The following NUDT13 variants were observed in gnomAD, a reference collection of about 807,000 sequenced individuals.
NUDT13 encodes the protein nudix hydrolase 13, also known as NAD(P)H pyrophosphatase NUDT13, mitochondrial.
Under a neutral mutation model 41.7 loss-of-function variants are expected in NUDT13, and 40 were observed. The ratio of observed to expected loss-of-function variants is 0.96; its 90% CI spans 0.75 to 1.25. The LOEUF is 1.25. Among genes scored for constraint, NUDT13 ranks in the 50% most tolerant of loss-of-function variants. The pLI, the probability that NUDT13 is intolerant of heterozygous loss-of-function variation, is 0.00. For missense variants in NUDT13, 390 were observed against 416.1 expected (o/e 0.94, Z 0.55); for synonymous variants, 145 against 155.5 (o/e 0.93, Z 0.50).
chr10:73,118,092 T>C (rs1320006186), intron 2 of NUDT13, among the ~76,000 whole-genome samples: 3 of 152,204 alleles, frequency 2.0e-5, no homozygotes, highest in African/African-American at 7.2e-5. Flanking sequence ...CTTTCTGTTC[T>C]TTTACGAAGG....
chr10:73,127,665 T>C lies in NUDT13; in HGVS notation c.858+838T>C, dbSNP rs559891018. On this transcript the variant is annotated intron_variant, in intron 8 of 8. Coordinates refer to ENST00000357321, the MANE Select transcript of NUDT13 (RefSeq NM_015901.6). ...TGAAATTATCAAACCGTCATCACTA[T>C]CAATGCCATAAACTTATTCATCACT... Among the ~76,000 whole-genome samples the C allele has an allele frequency of 1.5e-4, 22 of 151,506 alleles. No homozygotes were observed. The South Asian group carries it at 4.4e-3, about 30-fold the overall frequency.
chr10:73,113,329 TAATA>T lies in NUDT13; in HGVS notation c.-9-1027_-9-1024del, dbSNP rs529736430. ...AAGAGAGGCTTATTATTTGACACTTTAATAGATATTTCCAAATCAACCTGTAAAA... is the reference window on the plus strand; with the variant it reads ...AAGAGAGGCTTATTATTTGACACTTTGATATTTCCAAATCAACCTGTAAAA... On this transcript the variant is annotated intron_variant, in intron 1 of 8. Coordinates refer to ENST00000357321, the MANE Select transcript of NUDT13 (RefSeq NM_015901.6). Among the ~76,000 whole-genome samples the T allele has an allele frequency of 1.4e-3, 212 of 152,370 alleles. 2 individuals carry two copies. The highest frequency in any genetic ancestry group is 5.0e-3 in the African/African-American group (208 of 41,584).
chr10:73,123,773 C>G (rs1842703366), intron 4 of NUDT13, among the ~76,000 whole-genome samples: 1 of 152,254 alleles, frequency 6.6e-6, no homozygotes, highest in African/African-American at 2.4e-5. Flanking sequence ...ATTCTCCTGC[C>G]TCAGCCTCCT....
chr10:73,126,152 G>T, intron 7 of NUDT13: 1 of 277,516 alleles, frequency 3.6e-6, no homozygotes, highest in Non-Finnish European at 7.2e-6. Flanking sequence ...GATTCCTGTT[G>T]GGTGTGTTAT....
Position 73,126,661 on chromosome 10 carries a change from G to A in NUDT13, c.704-12G>A, listed in dbSNP as rs1369644142. 1.3e-5 allele frequency: 21 copies of A among 1,613,712 alleles called. No individual in the cohort carries two copies. The highest frequency in any genetic ancestry group is 1.7e-5 in the Non-Finnish European group (20 of 1,179,892). The stretch of plus-strand genomic sequence containing the variant: ...CTACAGGGCTGTCCTGAATTAATCT[G>A]AGTGCTTGTAGGTGAAAGTGTGGAA... On this transcript the variant is annotated splice_polypyrimidine_tract_variant and intron_variant, in intron 7 of 8. Transcript: ENST00000357321.
At chr10:73,116,611 G>A (rs918126215) in intron 2 of NUDT13, among the ~76,000 whole-genome samples, 6 of 151,906 alleles carry the variant, frequency 3.9e-5, no homozygotes, top group African/African-American at 9.7e-5. Context: ...GAATGGTGGC[G>A]TGCACCTGTA....
intron 4 of NUDT13, 74 bp from the exon 5 acceptor site, chr10:73,124,140 C>G (rs926881779): frequency 9.9e-7 from 1 of 1,005,342 alleles, no homozygotes; most frequent in Non-Finnish European, 1.5e-6. Flanking sequence ...ACTATTTTAA[C>G]AGGATAGACT....
chr10:73,114,582 T>C, intron 2 of NUDT13, 134 bp downstream of exon 2: 1 of 268,252 alleles, frequency 3.7e-6, no homozygotes, highest in Non-Finnish European at 6.8e-6. Context: ...TGTGTGTGTG[T>C]ATATGTGTGT....
In NUDT13 at chr10:73,126,506, A is replaced by C; in HGVS notation, c.704-167A>C. The C allele has an allele frequency of 4.7e-6, 3 of 642,698 alleles. No individual in the cohort carries two copies. The South Asian group carries it at 8.6e-5, about 18-fold the overall frequency. 39.8% of individuals were successfully genotyped at this position (642,698 alleles called of 1,614,324 possible). A position where few individuals can be genotyped will look rare whatever the true frequency, so the allele number is the denominator to read the frequency against. On this transcript the variant is annotated intron_variant, in intron 7 of 8. Coordinates refer to ENST00000357321, the MANE Select transcript of NUDT13 (RefSeq NM_015901.6). ...ACTTAAGCACTGTGGTTCAACACAC[A>C]GCTCTGGACCTGATTCTTATTGTTG...
intron 7 of NUDT13, among the ~76,000 whole-genome samples, chr10:73,125,874 C>T (rs1016499980): frequency 6.6e-6 from 1 of 151,796 alleles, no homozygotes; most frequent in Non-Finnish European, 1.5e-5. Flanking sequence ...TTTGTAGAGA[C>T]AGGGTCTCGC....
At chr10:73,112,539 ATATATT>A (rs1200837247) in intron 1 of NUDT13, among the ~76,000 whole-genome samples, 2 of 151,964 alleles carry the variant, frequency 1.3e-5, no homozygotes, top group Non-Finnish European at 2.9e-5. Context: ...CAAAAAAAGT[ATATATT>A]TATAGTTTAC....
intron 4 of NUDT13, among the ~76,000 whole-genome samples, chr10:73,122,900 C>CTT (rs60953028): frequency 4.9e-5 from 6 of 123,026 alleles, no homozygotes; most frequent in Non-Finnish European, 7.0e-5. Flanking sequence ...TTGTATATTT[C>CTT]TTTTTTTTTT....
Position 73,126,716 on chromosome 10 carries a change from G to C in NUDT13, c.747G>C (p.Glu249Asp), listed in dbSNP as rs1389383972. The change falls in exon 8 of 9, where the codon GAG becomes GAC. Residue 249 changes from glutamate to aspartate, a missense_variant. Glu to Asp is a conservative substitution (Grantham distance 45). Coordinates refer to ENST00000357321, the MANE Select transcript of NUDT13 (RefSeq NM_015901.6). ...CCATCCGCCGAGAAGTTGCAGAAGA[G>C]GTGGGATTGGAGGTGGAAAGCCTGC... ...EETIRREVAE[E>D]VGLEVESLQY... 3 of 1,614,170 alleles carry C rather than the reference G, an allele frequency of 1.9e-6. No individual in the cohort carries two copies. The highest frequency in any genetic ancestry group is 2.5e-6 in the Non-Finnish European group (3 of 1,180,014).
In NUDT13 at chr10:73,130,965, G is replaced by A; in HGVS notation, c.*62G>A. 7.1e-7 allele frequency: 1 copy of A among 1,415,492 alleles called. No individual in the cohort carries two copies. The highest frequency in any genetic ancestry group is 9.9e-7 in the Non-Finnish European group (1 of 1,006,646). The allele number at this position is 1,415,492 out of a possible 1,614,324, so 87.7% of individuals were successfully genotyped here. ...CTGAGGGACAAACTAGAGATCAGTT[G>A]ACAAAGGAGAAGTGACAAAAGATAA... On this transcript the variant is annotated 3_prime_UTR_variant, in exon 9 of 9. Coordinates refer to ENST00000357321, the MANE Select transcript of NUDT13 (RefSeq NM_015901.6).
chr10:73,117,319 G>A (rs946151428), intron 2 of NUDT13, among the ~76,000 whole-genome samples: 4 of 151,970 alleles, frequency 2.6e-5, no homozygotes, highest in African/African-American at 2.4e-5. Flanking sequence ...CACTTTGGGA[G>A]GCTGAGACGG....
At chr10:73,119,410 AG>A in intron 2 of NUDT13, 1 of 686,196 alleles carries the variant, frequency 1.5e-6, no homozygotes, top group South Asian at 6.5e-5. Flanking sequence ...GTCTGAAGTA[AG>A]GGTACATTGA....
At chr10:73,111,693 G>A (rs1842370942) in intron 1 of NUDT13, among the ~76,000 whole-genome samples, 1 of 152,190 alleles carries the variant, frequency 6.6e-6, no homozygotes, top group Admixed American at 6.5e-5. Context: ...CAGCAGCCAT[G>A]ATAATCTACA....
At chr10:73,122,745 A>AT (rs58913434) in intron 4 of NUDT13, among the ~76,000 whole-genome samples, 159 of 139,568 alleles carry the variant, frequency 1.1e-3, no homozygotes, top group Non-Finnish European at 1.4e-3. Context: ...CTAATTTTTA[A>AT]TTTTTTTTTT....
At chr10:73,126,045 C>A (rs1303835258) in intron 7 of NUDT13, 7 of 213,296 alleles carry the variant, frequency 3.3e-5, no homozygotes, top group Non-Finnish European at 6.9e-5. Flanking sequence ...ACCCATACAC[C>A]CACTACCCAG....
Sources: gnomAD v4.1 joint callset for allele counts (sites outside exome capture counted in the v4.1 genomes callset) on GRCh38, gnomAD v4.1.1 for gene constraint, MANE v1.5 for transcripts, NCBI Gene and HGNC (gene_info 2026-07-23, HGNC 2026-07-21) for gene names.